HOXA3: variants seen among roughly 807,000 people sequenced by gnomAD.
HOXA3 encodes the protein homeobox protein Hox-A3.
In HOXA3, 8 loss-of-function variants were observed where a neutral mutation model predicts 30.3. That is an observed-to-expected ratio of 0.26 (90% CI 0.15 to 0.48). The LOEUF (loss-of-function observed/expected upper bound fraction) is 0.48. Among genes scored for constraint, HOXA3 ranks in the 20% least tolerant of loss-of-function variants. HOXA3 has a pLI of 0.99. For missense variants in HOXA3, 653 were observed against 614.4 expected (o/e 1.06, Z -0.66); for synonymous variants, 323 against 273.1 (o/e 1.18, Z -1.80).
intron 4 of HOXA3, among the ~76,000 whole-genome samples, chr7:27,118,255 C>CGGAGAAGGGGAA (rs1337704435): frequency 6.6e-6 from 1 of 152,114 alleles, no homozygotes; most frequent in African/African-American, 2.4e-5. Flanking sequence ...GAGCGCTCTC[C>CGGAGAAGGGGAA]GGAGAAGGGG....
chr7:27,108,451 G>T lies in HOXA3; in HGVS notation c.796C>A (p.Arg266Ser). Reference protein sequence around the residue: ...LTSSGGQSPSRSPVPPGAGGY... With the variant: ...LTSSGGQSPSSSPVPPGAGGY... Reference sequence around the variant, plus strand: ...CCGGCTCCGGGGGGCACGGGGCTGCGACTTGGAGACTGGCCCCCCGATGAC... The same window carrying T: ...CCGGCTCCGGGGGGCACGGGGCTGCTACTTGGAGACTGGCCCCCCGATGAC... Residue 266 changes from arginine to serine, a missense_variant, in exon 6 of 6, where the codon CGC becomes AGC. Arg to Ser is a moderately radical substitution (Grantham distance 110). This residue lies in a region of HOXA3 where 330 missense variants were observed against 274.4 expected (regional missense o/e 1.20). Coordinates refer to ENST00000612286, the MANE Select transcript of HOXA3 (RefSeq NM_153631.3). This position sits in a 1 kb window ranked among gnomAD's most constrained non-coding sequence, Gnocchi z 5.0. 6.2e-7 allele frequency: 1 copy of T among 1,614,048 alleles called. No individual in the cohort carries two copies. Among genetic ancestry groups the T allele is most frequent in the Non-Finnish European group, 8.5e-7 (1 of 1,179,974 alleles).
chr7:27,108,312 T>C lies in HOXA3; in HGVS notation c.935A>G (p.Tyr312Cys), dbSNP rs1437186333. Residue 312 changes from tyrosine (Y) to cysteine (C), a missense_variant, in exon 6 of 6, where the codon TAC (tyrosine) becomes TGC (cysteine). By Grantham distance (194) the Tyr-to-Cys change is radical (BLOSUM62 -2). Around this residue, in one of 3 missense-constraint regions of HOXA3, gnomAD observed 330 missense variants for 274.4 expected, o/e 1.20. Transcript: ENST00000612286. This position sits in a 1 kb window ranked among gnomAD's most constrained non-coding sequence, Gnocchi z 5.0. The part of the protein sequence containing the change: ...QGTYGLPPAS[Y>C]PASLPSCAPP... ...TGCGCAGCTGGGCAGGGACGCAGGGTAGGAGGCGGGGGGCAGCCCGTAGGT... is the reference window on the plus strand; with the variant it reads ...TGCGCAGCTGGGCAGGGACGCAGGGCAGGAGGCGGGGGGCAGCCCGTAGGT... The C allele has an allele frequency of 6.6e-7, 1 of 1,509,954 alleles. No homozygotes were observed. The highest frequency in any genetic ancestry group is 8.9e-7 in the Non-Finnish European group (1 of 1,127,140). The allele number at this position is 1,509,954 out of a possible 1,614,324, so 93.5% of individuals were successfully genotyped here.
Position 27,107,759 on chromosome 7 carries a change from A to G in HOXA3, c.*156T>C. On this transcript the variant is annotated 3_prime_UTR_variant, in exon 6 of 6. Coordinates refer to ENST00000612286, the MANE Select transcript of HOXA3 (RefSeq NM_153631.3). ...AAACTATAAAAACGCCTTACCAACG[A>G]GGGGGGAAACCGGGAAACGGAGTGC... 9.5e-6 allele frequency: 5 copies of G among 528,560 alleles called. No homozygotes were observed. The highest frequency in any genetic ancestry group is 1.6e-5 in the Non-Finnish European group (5 of 313,168). 32.7% of individuals were successfully genotyped at this position (528,560 alleles called of 1,614,324 possible).
intron 1 of HOXA3, chr7:27,147,296 G>T (rs201444155): frequency 5.6e-6 from 9 of 1,610,022 alleles, no homozygotes; most frequent in East Asian, 2.2e-5. Context: ...ACTGTCTTGG[G>T]ATATGTCTTA....
chr7:27,139,163 T>C (rs1219790987), intron 2 of HOXA3, among the ~76,000 whole-genome samples: 1 of 152,204 alleles, frequency 6.6e-6, no homozygotes, highest in African/African-American at 2.4e-5. Flanking sequence ...GAAAGCGCTT[T>C]AACCCCTTTC....
Position 27,110,320 on chromosome 7 carries a change from G to A in HOXA3, c.321C>T (p.Pro107=). The change falls in exon 5 of 6, where the codon CCC becomes CCT. Residue 107 remains proline, a synonymous_variant. Transcript: ENST00000612286. ...GGGTAGGTGCAGGGGGCTGAGGTGC[G>A]GGCTGAGGCGGCTGTGGGGCAGGGG... ...AAPPAPQPPQ[P]APQPPAPTPA... 2 of 1,525,400 alleles carry A rather than the reference G, an allele frequency of 1.3e-6. No homozygotes were observed. Among genetic ancestry groups the A allele is most frequent in the Non-Finnish European group, 8.8e-7 (1 of 1,138,546 alleles). 94.5% of individuals were successfully genotyped at this position (1,525,400 alleles called of 1,614,324 possible). A position where few individuals can be genotyped will look rare whatever the true frequency, so the allele number is the denominator to read the frequency against.
rs537900383 is a variant in HOXA3 at position 27,142,638 on chromosome 7, T to C, written c.-493-2452A>G. On this transcript the variant is annotated intron_variant, in intron 1 of 5. Coordinates refer to ENST00000612286, the MANE Select transcript of HOXA3 (RefSeq NM_153631.3). ...CCAAGCCCCTTTTCGGGGGCTGTAATTAGTAACGCTGTTTCCCCAGCGTAG... is the reference window on the plus strand; with the variant it reads ...CCAAGCCCCTTTTCGGGGGCTGTAACTAGTAACGCTGTTTCCCCAGCGTAG... 187 of 203,616 alleles carry C rather than the reference T, an allele frequency of 9.2e-4. 2 individuals carry two copies. The highest frequency in any genetic ancestry group is 3.9e-3 in the Admixed American group (69 of 17,822). The allele number at this position is 203,616 out of a possible 1,614,324, so 12.6% of individuals were successfully genotyped here. A position where few individuals can be genotyped will look rare whatever the true frequency, so the allele number is the denominator to read the frequency against.
chr7:27,144,364 T>C (rs535764423), intron 1 of HOXA3, among the ~76,000 whole-genome samples: 78 of 152,370 alleles, frequency 5.1e-4, no homozygotes, highest in Middle Eastern at 3.4e-3. Flanking sequence ...CGCTCTTAAA[T>C]GACAGGCGTC....
rs1157364793 is a variant in HOXA3 at position 27,140,796 on chromosome 7, C to G, written c.-493-610G>C. 2.6e-5 allele frequency among the ~76,000 whole-genome samples: 4 copies of G among 151,994 alleles called. No individual in the cohort carries two copies. In the East Asian group the frequency reaches 7.7e-4, roughly 29 times the overall value. On this transcript the variant is annotated intron_variant, in intron 1 of 5. Coordinates refer to ENST00000612286, the MANE Select transcript of HOXA3 (RefSeq NM_153631.3). ...CTTGCTCTTTCTCTCTTTTTTGTAC[C>G]CAGCAAGTTAACTTGGTTTCCTCAG... is the stretch of plus-strand genomic sequence containing the variant.
At chr7:27,139,172 T>C (rs13247366) in intron 2 of HOXA3, among the ~76,000 whole-genome samples, 3 of 152,202 alleles carry the variant, frequency 2.0e-5, no homozygotes, top group African/African-American at 7.2e-5. Flanking sequence ...TTAACCCCTT[T>C]CAATTAGCCT....
chr7:27,150,266 C>A (rs1053746439), intron 1 of HOXA3: 2 of 152,218 alleles, frequency 1.3e-5, no homozygotes, highest in Non-Finnish European at 2.9e-5. Context: ...CACCCCAGGG[C>A]TCTCTCTCCT....
intron 2 of HOXA3, among the ~76,000 whole-genome samples, chr7:27,134,908 T>A (rs117874630): frequency 0.033 from 4,973 of 152,314 alleles, 100 homozygotes; most frequent in Middle Eastern, 0.092. Flanking sequence ...AAGAAAAACC[T>A]AGGGAAAATA....
intron 1 of HOXA3, among the ~76,000 whole-genome samples, chr7:27,148,868 G>T (rs1782876891): frequency 6.6e-6 from 1 of 152,256 alleles, no homozygotes; most frequent in Non-Finnish European, 1.5e-5. Context: ...GGCCAAGCTG[G>T]GCACAGAGGG....
At chr7:27,109,355 C>G (rs913792050) in intron 5 of HOXA3, among the ~76,000 whole-genome samples, 1 of 152,202 alleles carries the variant, frequency 6.6e-6, no homozygotes, top group African/African-American at 2.4e-5. Context: ...AGCTTTTGTC[C>G]ACTAATCTTG....
At chr7:27,109,169 C>T (rs1784218838) in intron 5 of HOXA3, among the ~76,000 whole-genome samples, 3 of 152,216 alleles carry the variant, frequency 2.0e-5, no homozygotes, top group Non-Finnish European at 4.4e-5. Context: ...GTAGCTTCAA[C>T]TGGCCACTTT....
Position 27,108,104 on chromosome 7 carries a change from G to C in HOXA3, c.1143C>G (p.Ala381=). The C allele has an allele frequency of 1.2e-6, 2 of 1,610,612 alleles. No individual in the cohort carries two copies. Among genetic ancestry groups the C allele is most frequent in the Non-Finnish European group, 1.7e-6 (2 of 1,177,618 alleles). Residue 381 remains alanine (A), a synonymous_variant, in exon 6 of 6, where the codon GCC becomes GCG. Transcript: ENST00000612286. The surrounding 1 kb of genome is among the most constrained non-coding windows in gnomAD (Gnocchi z 5.0). ...YVEPMSNSGP[A]LFGLTHLPHA... ...GGGGGAGGTGAGTTAGACCAAAGAG[G>C]GCTGGCCCGGAGTTGCTCATGGGCT...
intron 2 of HOXA3, among the ~76,000 whole-genome samples, chr7:27,127,334 C>G (rs1373259497): frequency 6.6e-6 from 1 of 152,110 alleles, no homozygotes; most frequent in Non-Finnish European, 1.5e-5. Flanking sequence ...TCTTCAGAGA[C>G]TGGTATCTAT....
At chr7:27,131,051 G>A (rs1042229241) in intron 2 of HOXA3, among the ~76,000 whole-genome samples, 1 of 152,120 alleles carries the variant, frequency 6.6e-6, no homozygotes, top group African/African-American at 2.4e-5. Context: ...CCCTGGGCTG[G>A]GGGAGGGAGC....
rs775857999 is a variant in HOXA3 at position 27,152,501 on chromosome 7, G to A, written c.-707C>T. ...GCCTGGCCGGGGCTTCCCTTCGCTC[G>A]CCATCTCCGGACAAAGCACAGCCGA... On this transcript the variant is annotated 5_prime_UTR_variant, in exon 1 of 6. Transcript: ENST00000612286. The A allele has an allele frequency of 1.7e-6, 2 of 1,165,358 alleles. No individual in the cohort carries two copies. Among genetic ancestry groups the A allele is most frequent in the Non-Finnish European group, 2.2e-6 (2 of 929,964 alleles). The allele number at this position is 1,165,358 out of a possible 1,614,324, so 72.2% of individuals were successfully genotyped here.
Sources: allele counts gnomAD v4.1 joint callset (sites outside exome capture counted in the v4.1 genomes callset), GRCh38; gene constraint gnomAD v4.1.1; regional missense constraint gnomAD v4.1.1; non-coding constraint Gnocchi (gnomAD v3.1); transcripts MANE v1.5; gene names NCBI Gene and HGNC (gene_info 2026-07-23, HGNC 2026-07-21).